Variants in NHSL1 observed in about 807,000 individuals in gnomAD.
The protein encoded by NHSL1 is NHS like 1, also known as NHS-like protein 1.
NHSL1 carries 48 observed loss-of-function variants against 95.0 expected under a neutral mutation model. The ratio of observed to expected loss-of-function variants is 0.51; its 90% CI spans 0.40 to 0.64. The LOEUF is 0.64. Among genes scored for constraint, NHSL1 ranks in the 30% least tolerant of loss-of-function variants. The probability of loss-of-function intolerance (pLI) is 0.00; values close to 1 mark genes in which losing one functional copy is unlikely to be tolerated. For synonymous variants in NHSL1, 783 were observed against 833.9 expected (o/e 0.94, Z 1.05); for missense variants, 1,971 against 2,077.7 (o/e 0.95, Z 1.00).
chr6:138,437,389 CATATATATATATATACACACATAT>C (rs1562270587), intron 5 of NHSL1, among the ~76,000 whole-genome samples: 4 of 73,322 alleles, frequency 5.5e-5, no homozygotes, highest in African/African-American at 1.8e-4. Flanking sequence ...TATATATACA[CATATATATATATATACACACATAT>C]ACACACACAC....
At chr6:138,671,620 T>A (rs184746076) in intron 1 of NHSL1, among the ~76,000 whole-genome samples, 109 of 152,218 alleles carry the variant, frequency 7.2e-4, no homozygotes, top group Admixed American at 3.1e-3. Context: ...TCATCTAGAT[T>A]AGATTAAATC....
chr6:138,610,669 C>T (rs996867944), intron 1 of NHSL1, among the ~76,000 whole-genome samples: 6 of 151,830 alleles, frequency 4.0e-5, no homozygotes, highest in African/African-American at 1.2e-4. Flanking sequence ...TAGTTCCACC[C>T]AAAGACTCAT....
In NHSL1 at chr6:138,423,823, A is replaced by T. The variant is rs1476445282; in HGVS notation, c.*258T>A. 1 of 306,732 alleles carries T rather than the reference A, an allele frequency of 3.3e-6. No individual in the cohort carries two copies. Among genetic ancestry groups the T allele is most frequent in the East Asian group, 5.1e-5 (1 of 19,594 alleles). The allele number at this position is 306,732 out of a possible 1,614,324, so 19.0% of individuals were successfully genotyped here. On this transcript the variant is annotated 3_prime_UTR_variant, in exon 8 of 8. Transcript: ENST00000343505. Reference sequence around the variant, plus strand: ...ACACACCCAGCATTTAGCAAAAAAAAAAAAAAAAAAAAAAAATCTTCCCCG... The same window carrying T: ...ACACACCCAGCATTTAGCAAAAAAATAAAAAAAAAAAAAAAATCTTCCCCG...
Position 138,430,691 on chromosome 6 carries a change from C to T in NHSL1, c.3654G>A (p.Glu1218=), listed in dbSNP as rs1228159254. 15 of 1,551,604 alleles carry T rather than the reference C, an allele frequency of 9.7e-6. No individual in the cohort carries two copies. In the South Asian group the frequency reaches 1.5e-4, roughly 16 times the overall value. ...CAGCTCGGAGGGCTTCGCTCACGTT[C>T]TCTGCGGGCTCCACTGCAAAATCTT... ...PQKDFAVEPA[E]NVSEALRAVP... The change falls in exon 6 of 8, where the codon GAG becomes GAA. Residue 1218 remains glutamate, a synonymous_variant. Coordinates refer to ENST00000343505, the MANE Select transcript of NHSL1 (RefSeq NM_001144060.2). This position sits in a 1 kb window ranked among gnomAD's most constrained non-coding sequence, Gnocchi z 4.7.
rs2128187045 is a variant in NHSL1, at chr6:138,424,281, G to A, written c.4621C>T (p.Arg1541Cys). 3 of 1,501,448 alleles carry A rather than the reference G, an allele frequency of 2.0e-6. No homozygotes were observed. The highest frequency in any genetic ancestry group is 1.4e-5 in the African/African-American group (1 of 71,490). 93.0% of individuals were successfully genotyped at this position (1,501,448 alleles called of 1,614,324 possible). Residue 1541 changes from arginine (R) to cysteine (C), a missense_variant, in exon 8 of 8, where the codon CGC (arginine) becomes TGC (cysteine). Arg to Cys is a radical substitution (Grantham distance 180). Coordinates refer to ENST00000343505, the MANE Select transcript of NHSL1 (RefSeq NM_001144060.2). This position sits in a 1 kb window ranked among gnomAD's most constrained non-coding sequence, Gnocchi z 5.9. ...CCCTCCGCAGCGCCCAGAGCCCCGC[G>A]GGCTATGCTGTCCACAGGCTCCACG... ...EAVEPVDSIARGALGAAEGCS... is the reference protein window; with the variant it reads ...EAVEPVDSIACGALGAAEGCS...
At chr6:138,537,782 T>A (rs1467878529) in intron 1 of NHSL1, among the ~76,000 whole-genome samples, 1 of 152,160 alleles carries the variant, frequency 6.6e-6, no homozygotes, top group African/African-American at 2.4e-5. Context: ...GTCTCTGGCT[T>A]TGCTTTGTTC....
intron 1 of NHSL1, among the ~76,000 whole-genome samples, chr6:138,654,773 C>G (rs1011071832): frequency 1.3e-5 from 2 of 152,034 alleles, no homozygotes. Context: ...AAACACTATT[C>G]CATGTATACT....
chr6:138,573,884 T>C (rs191591909), upstream of NHSL1, among the ~76,000 whole-genome samples: 1 of 151,168 alleles, frequency 6.6e-6, no homozygotes, highest in East Asian at 1.9e-4. Context: ...CACCAAGTGC[T>C]CTGGGCCTGT....
At position 138,431,877 on chromosome 6, in the gene NHSL1, G is replaced by A. The variant is rs371249038; in HGVS notation, c.2468C>T (p.Thr823Ile). The A allele has an allele frequency of 6.4e-5, 99 of 1,551,604 alleles. No homozygotes were observed. Among genetic ancestry groups the A allele is most frequent in the Non-Finnish European group, 8.1e-5 (93 of 1,146,992 alleles). ...VRHVQEGSRATMPQVPGGSVK... is the reference protein window; with the variant it reads ...VRHVQEGSRAIMPQVPGGSVK... ...TGAACCACCGGGCACTTGGGGCATTGTGGCTCTGGACCCTTCTTGGACATG... is the reference window on the plus strand; with the variant it reads ...TGAACCACCGGGCACTTGGGGCATTATGGCTCTGGACCCTTCTTGGACATG... The change falls in exon 6 of 8, where the codon ACA (threonine) becomes ATA (isoleucine). Residue 823 changes from threonine to isoleucine, a missense_variant. Physicochemically the swap from Thr to Ile is moderately conservative, Grantham distance 89. Around this residue, in one of 3 missense-constraint regions of NHSL1, gnomAD observed 1,602 missense variants for 1,654.5 expected, o/e 0.97. Transcript: ENST00000343505. The surrounding 1 kb of genome is among the most constrained non-coding windows in gnomAD (Gnocchi z 4.0).
chr6:138,679,392 CTT>C (rs1317870624), intron 1 of NHSL1, among the ~76,000 whole-genome samples: 3 of 152,216 alleles, frequency 2.0e-5, no homozygotes, highest in Admixed American at 1.3e-4. Flanking sequence ...AGACAACTAA[CTT>C]TTTTGACTCA....
At chr6:138,474,336 T>TGCACCTACAG (rs1481177068) in intron 2 of NHSL1, among the ~76,000 whole-genome samples, 1 of 152,214 alleles carries the variant, frequency 6.6e-6, no homozygotes, top group Non-Finnish European at 1.5e-5. Context: ...ATAAAAACCA[T>TGCACCTACAG]GCACCTACAG....
At chr6:138,651,086 A>G in intron 1 of NHSL1, 1 of 363,750 alleles carries the variant, frequency 2.7e-6, no homozygotes, top group Non-Finnish European at 5.3e-6. Flanking sequence ...TCATCTGTTA[A>G]GCTTTAATAG....
chr6:138,653,357 C>A (rs549763916), intron 1 of NHSL1, among the ~76,000 whole-genome samples: 10 of 152,206 alleles, frequency 6.6e-5, no homozygotes, highest in Non-Finnish European at 1.0e-4. Flanking sequence ...GGATCAAGAC[C>A]ATCCTGGCCA....
upstream of NHSL1, among the ~76,000 whole-genome samples, chr6:138,501,385 G>A (rs1237783161): frequency 8.5e-5 from 13 of 152,160 alleles, no homozygotes; most frequent in Non-Finnish European, 1.5e-5. Context: ...TATATTAGAA[G>A]GAGTTGAGTG....
In NHSL1 at chr6:138,455,513, TCCC is replaced by T. The variant is rs1451514490; in HGVS notation, c.340-8323_340-8321del. On this transcript the variant is annotated intron_variant, in intron 3 of 7. Transcript: ENST00000343505. ...TGCAAGGAGCCCCGCCTTCACATGC[TCCC>T]TGCAAGGAGCCCCGCCTTCACATGC... 1.0e-3 allele frequency among the ~76,000 whole-genome samples: 78 copies of T among 74,422 alleles called. 1 individual carries two copies. The East Asian group carries it at 0.021, about 20-fold the overall frequency. The allele number at this position is 74,422 out of a possible 152,430, so 48.8% of individuals were successfully genotyped here.
chr6:138,630,605 G>A (rs778274618), intron 1 of NHSL1, among the ~76,000 whole-genome samples: 14 of 152,070 alleles, frequency 9.2e-5, no homozygotes, highest in Non-Finnish European at 1.3e-4. Flanking sequence ...AGCTGGTCTC[G>A]AACTCCCAAC....
chr6:138,511,707 G>A (rs1482929002), intron 1 of NHSL1, among the ~76,000 whole-genome samples: 1 of 152,144 alleles, frequency 6.6e-6, no homozygotes, highest in Non-Finnish European at 1.5e-5. Context: ...AAGCCAAGAT[G>A]GGCAGATCAC....
At chr6:138,633,986 A>G (rs1784856067) in intron 1 of NHSL1, among the ~76,000 whole-genome samples, 1 of 152,168 alleles carries the variant, frequency 6.6e-6, no homozygotes, top group African/African-American at 2.4e-5. Context: ...TGTTTATGCA[A>G]AGTGTTAAGT....
At chr6:138,669,843 G>A (rs1039426399) in intron 1 of NHSL1, among the ~76,000 whole-genome samples, 9 of 152,108 alleles carry the variant, frequency 5.9e-5, no homozygotes, top group African/African-American at 4.8e-5. Flanking sequence ...CTGACAGGCC[G>A]GGTGCAGTGG....
Sources: allele counts gnomAD v4.1 joint callset (sites outside exome capture counted in the v4.1 genomes callset), GRCh38; gene constraint gnomAD v4.1.1; regional missense constraint gnomAD v4.1.1; non-coding constraint Gnocchi (gnomAD v3.1); transcripts MANE v1.5; gene names NCBI Gene and HGNC (gene_info 2026-07-23, HGNC 2026-07-21).